Variants in RPTOR observed in about 807,000 individuals in gnomAD.
The protein encoded by RPTOR is regulatory associated protein of MTOR complex 1.
A neutral mutation model predicts 169.9 loss-of-function variants in RPTOR; 21 were observed. The observed-to-expected ratio is 0.12, with a 90% CI of 0.09 to 0.18. RPTOR has a LOEUF of 0.18. Ranked by LOEUF, RPTOR falls within the 10% of genes least tolerant of loss-of-function variation. The pLI is 1.00. For missense variants in RPTOR, 1,133 were observed against 1,855.9 expected (o/e 0.61, Z 7.16); for synonymous variants, 732 against 753.2 (o/e 0.97, Z 0.46).
Position 80,885,297 on chromosome 17 carries a change from C to A in RPTOR, c.1983+149C>A, listed in dbSNP as rs541066681. On this transcript the variant is annotated intron_variant, in intron 17 of 33. Transcript: ENST00000306801. The stretch of plus-strand genomic sequence containing the variant: ...AGAGCAGATCTTTACATGTTTCATT[C>A]TCTTCAAGTTGCGTTTCTTTACCAG... 31 of 1,049,120 alleles carry A rather than the reference C, an allele frequency of 3.0e-5. 1 individual carries two copies. The Admixed American group carries it at 3.8e-4, about 13-fold the overall frequency. 65.0% of individuals were successfully genotyped at this position (1,049,120 alleles called of 1,614,324 possible).
intron 3 of RPTOR, among the ~76,000 whole-genome samples, chr17:80,653,898 T>C (rs1237315160): frequency 1.3e-5 from 2 of 152,226 alleles, no homozygotes; most frequent in African/African-American, 4.8e-5. Context: ...CCTCTGTTGC[T>C]TCAGCTTCAG....
chr17:80,589,925 G>C (rs2065090969), intron 1 of RPTOR, among the ~76,000 whole-genome samples: 1 of 152,106 alleles, frequency 6.6e-6, no homozygotes, highest in African/African-American at 2.4e-5. Context: ...CACTGACCAG[G>C]ACTAGTGTTG....
At chr17:80,592,489 C>T (rs1288906203) in intron 1 of RPTOR, among the ~76,000 whole-genome samples, 1 of 152,100 alleles carries the variant, frequency 6.6e-6, no homozygotes, top group African/African-American at 2.4e-5. Context: ...GATTTGTGTG[C>T]ATCTGGGAAG....
At chr17:80,703,228 C>G (rs1296815779) in intron 3 of RPTOR, among the ~76,000 whole-genome samples, 2 of 152,220 alleles carry the variant, frequency 1.3e-5, no homozygotes, top group Non-Finnish European at 2.9e-5. Context: ...TAGTTGACAG[C>G]GCTTTTTCCT....
chr17:80,669,063 G>T (rs535382143), intron 3 of RPTOR, among the ~76,000 whole-genome samples: 1 of 152,222 alleles, frequency 6.6e-6, no homozygotes, highest in Non-Finnish European at 1.5e-5. Flanking sequence ...CACGCTTGCC[G>T]GAGGCCAGGC....
intron 3 of RPTOR, among the ~76,000 whole-genome samples, chr17:80,670,067 C>A (rs2065810101): frequency 1.3e-5 from 2 of 152,158 alleles, no homozygotes; most frequent in East Asian, 1.9e-4. Flanking sequence ...AAAACCATTA[C>A]CCTCATCTGA....
At chr17:80,918,337 G>A (rs2068699072) in intron 21 of RPTOR, among the ~76,000 whole-genome samples, 1 of 152,230 alleles carries the variant, frequency 6.6e-6, no homozygotes, top group Non-Finnish European at 1.5e-5. Flanking sequence ...CAGGCTCTGG[G>A]GTGGCGGCCG....
intron 9 of RPTOR, among the ~76,000 whole-genome samples, chr17:80,825,371 A>G (rs1171853665): frequency 6.7e-6 from 1 of 149,928 alleles, no homozygotes; most frequent in African/African-American, 2.5e-5. Flanking sequence ...AGGTTGGCAC[A>G]GGGCAGCCAC....
Position 80,625,999 on chromosome 17 carries a change from A to T in RPTOR, c.265+206A>T, listed in dbSNP as rs185637051. Among the ~76,000 whole-genome samples the T allele has an allele frequency of 3.9e-5, 6 of 152,256 alleles. No individual in the cohort carries two copies. The East Asian group carries it at 9.6e-4, about 24-fold the overall frequency. ...GTAGTGGAGAGAGTGTTTCCAGAAAAATCAATACAGTGATGATTATTGGCT... is the reference window on the plus strand; with the variant it reads ...GTAGTGGAGAGAGTGTTTCCAGAAATATCAATACAGTGATGATTATTGGCT... On this transcript the variant is annotated intron_variant, in intron 2 of 33. Coordinates refer to ENST00000306801, the MANE Select transcript of RPTOR (RefSeq NM_020761.3).
chr17:80,711,994 T>C (rs2066197573), intron 4 of RPTOR, among the ~76,000 whole-genome samples: 3 of 152,286 alleles, frequency 2.0e-5, no homozygotes, highest in East Asian at 1.9e-4. Context: ...TCTGCCTGCC[T>C]TGGCCTCCCA....
chr17:80,615,495 A>ATC (rs2065302768), intron 1 of RPTOR, among the ~76,000 whole-genome samples: 1 of 152,202 alleles, frequency 6.6e-6, no homozygotes, highest in Non-Finnish European at 1.5e-5. Flanking sequence ...TAAGAAGATT[A>ATC]TGGGGAACTA....
intron 1 of RPTOR, among the ~76,000 whole-genome samples, chr17:80,598,882 T>TTCTATCTATCTATCTATCTATCTA (rs57535540): frequency 5.5e-5 from 8 of 146,758 alleles, no homozygotes; most frequent in East Asian, 2.0e-4. Flanking sequence ...TCTTGATTCT[T>TTCTATCTATCTATCTATCTATCTA]TCTATCTATC....
intron 1 of RPTOR, among the ~76,000 whole-genome samples, chr17:80,546,654 G>A (rs1599537019): frequency 1.3e-5 from 2 of 152,266 alleles, no homozygotes; most frequent in East Asian, 1.9e-4. Flanking sequence ...CATTTCAGTG[G>A]TATAAAAGAG....
chr17:80,812,739 T>C (rs1312336146), intron 7 of RPTOR, among the ~76,000 whole-genome samples: 1 of 152,232 alleles, frequency 6.6e-6, no homozygotes, highest in African/African-American at 2.4e-5. Context: ...ACACACAGCC[T>C]TTCTAGCTGT....
At chr17:80,681,564 T>TTCTCTTACACCTTCATGAGGTGTATG (rs2065898149) in intron 3 of RPTOR, among the ~76,000 whole-genome samples, 2 of 147,896 alleles carry the variant, frequency 1.4e-5, no homozygotes, top group Non-Finnish European at 3.0e-5. Context: ...ACATTTCTAG[T>TTCTCTTACACCTTCATGAGGTGTATG]TCTCTTACAC....
intron 5 of RPTOR, among the ~76,000 whole-genome samples, chr17:80,753,067 T>C (rs1388424271): frequency 6.6e-6 from 1 of 152,154 alleles, no homozygotes; most frequent in Non-Finnish European, 1.5e-5. Context: ...ACCTCACCTT[T>C]CTCCCTGATT....
Position 80,844,942 on chromosome 17 carries a change from G to A in RPTOR, c.1213-1531G>A, listed in dbSNP as rs1360625076. 1.3e-5 allele frequency among the ~76,000 whole-genome samples: 2 copies of A among 151,776 alleles called. No individual in the cohort carries two copies. The highest frequency in any genetic ancestry group is 4.8e-5 in the African/African-American group (2 of 41,346). ...GCAAAATCAAACAACGTAGGGAAGA[G>A]AGGATAGTGGATGGGAGAGAGAGGC... On this transcript the variant is annotated intron_variant, in intron 10 of 33. Coordinates refer to ENST00000306801, the MANE Select transcript of RPTOR (RefSeq NM_020761.3). This position sits in a 1 kb window ranked among gnomAD's most constrained non-coding sequence, Gnocchi z 4.7.
chr17:80,829,567 G>A (rs1026929025), intron 9 of RPTOR, among the ~76,000 whole-genome samples: 2 of 152,190 alleles, frequency 1.3e-5, no homozygotes, highest in Non-Finnish European at 1.5e-5. Context: ...GTTCCAAGCT[G>A]GGCCATGAAC....
intron 2 of RPTOR, among the ~76,000 whole-genome samples, chr17:80,637,995 G>A (rs1016845640): frequency 6.6e-6 from 1 of 152,270 alleles, no homozygotes; most frequent in Non-Finnish European, 1.5e-5. Context: ...AGGTGGAAAC[G>A]TATATGTTAA....
Sources: allele counts gnomAD v4.1 joint callset (sites outside exome capture counted in the v4.1 genomes callset), GRCh38; gene constraint gnomAD v4.1.1; non-coding constraint Gnocchi (gnomAD v3.1); transcripts MANE v1.5; gene names NCBI Gene and HGNC (gene_info 2026-07-23, HGNC 2026-07-21).